BICD1: variants seen among roughly 807,000 people sequenced by gnomAD.
BICD1 encodes BICD cargo adaptor 1.
Under a neutral mutation model 92.5 loss-of-function variants are expected in BICD1, and 35 were observed. The ratio of observed to expected loss-of-function variants is 0.38; its 90% CI spans 0.29 to 0.50. The LOEUF (loss-of-function observed/expected upper bound fraction) is 0.50. BICD1 is among the 20% of genes least tolerant of loss of function. BICD1 has a pLI of 0.93. For synonymous variants in BICD1, 429 were observed against 465.1 expected (o/e 0.92, Z 1.00); for missense variants, 950 against 1,189.8 (o/e 0.80, Z 2.97).
rs188967398 is a variant in BICD1, at chr12:32,168,707, C to G, written c.214-47540C>G. Among the ~76,000 whole-genome samples, 15 of 152,278 alleles carry G rather than the reference C, an allele frequency of 9.9e-5. No homozygotes were observed. In the East Asian group the frequency reaches 2.7e-3, roughly 27 times the overall value. Reference sequence around the variant, plus strand: ...CTTGAGGGCCAGGCACGGTGGCTCACTCCTGTAATCCCAGCACTCTGGGAG... The same window carrying G: ...CTTGAGGGCCAGGCACGGTGGCTCAGTCCTGTAATCCCAGCACTCTGGGAG... On this transcript the variant is annotated intron_variant, in intron 1 of 9. Transcript: ENST00000652176.
intron 1 of BICD1, among the ~76,000 whole-genome samples, chr12:32,182,890 CTT>C (rs34809684): frequency 1.6e-5 from 1 of 63,858 alleles, no homozygotes; most frequent in Non-Finnish European, 3.0e-5. Flanking sequence ...TTCTTTCTTT[CTT>C]TTTTTTTTTT....
intron 5 of BICD1, among the ~76,000 whole-genome samples, chr12:32,332,135 A>G (rs2136271912): frequency 6.6e-6 from 1 of 152,292 alleles, no homozygotes; most frequent in South Asian, 2.1e-4. Context: ...AAAACCAGAT[A>G]CCGCATGTTC....
At chr12:32,134,222 A>C (rs1296849792) in intron 1 of BICD1, among the ~76,000 whole-genome samples, 2 of 152,218 alleles carry the variant, frequency 1.3e-5, no homozygotes, top group South Asian at 4.1e-4. Flanking sequence ...GATGGAAATA[A>C]CAGCTCTCCC....
chr12:32,235,259 C>G (rs1259566942), intron 2 of BICD1, among the ~76,000 whole-genome samples: 2 of 152,142 alleles, frequency 1.3e-5, no homozygotes, highest in Non-Finnish European at 2.9e-5. Context: ...GGATAGTTAA[C>G]TCAGTAGTTA....
At chr12:32,153,587 T>C (rs1405600386) in intron 1 of BICD1, among the ~76,000 whole-genome samples, 2 of 152,062 alleles carry the variant, frequency 1.3e-5, no homozygotes, top group African/African-American at 4.8e-5. Flanking sequence ...CGAAAGTTCA[T>C]CTCTACAAAA....
chr12:32,205,616 A>G (rs987281986), intron 1 of BICD1, among the ~76,000 whole-genome samples: 2 of 148,530 alleles, frequency 1.3e-5, no homozygotes, highest in Admixed American at 1.4e-4. Flanking sequence ...TGAGGCTTGT[A>G]CTTTGTGCTT....
intron 2 of BICD1, among the ~76,000 whole-genome samples, chr12:32,280,742 G>A (rs182807403): frequency 1.7e-4 from 26 of 152,140 alleles, no homozygotes; most frequent in Non-Finnish European, 3.1e-4. Context: ...TTACTCACTC[G>A]TTGCTAATCA....
chr12:32,351,831 C>T (rs1035124427), intron 8 of BICD1, among the ~76,000 whole-genome samples: 3 of 147,664 alleles, frequency 2.0e-5, no homozygotes, highest in Admixed American at 6.8e-5. Context: ...TGAACCAGGA[C>T]GCGGGAGGCA....
rs1486252831 is a variant in BICD1 at position 32,337,512 on chromosome 12, G to C, written c.2266G>C (p.Val756Leu). ...AMFATRCDEY[V>L]TQLDEMQRQL... ...TTTTGGTTCCAGATGTGATGAATATGTCACCCAGTTGGATGAGATGCAGAG... is the reference window on the plus strand; with the variant it reads ...TTTTGGTTCCAGATGTGATGAATATCTCACCCAGTTGGATGAGATGCAGAG... Residue 756 changes from valine (V) to leucine (L), a missense_variant, in exon 7 of 10, where the codon GTC becomes CTC. This residue lies in a region of BICD1 where 309 missense variants were observed against 499.4 expected (regional missense o/e 0.62). Coordinates refer to ENST00000652176, the MANE Select transcript of BICD1 (RefSeq NM_001714.4). This position sits in a 1 kb window ranked among gnomAD's most constrained non-coding sequence, Gnocchi z 4.7. The C allele has an allele frequency of 6.2e-7, 1 of 1,609,466 alleles. No individual in the cohort carries two copies. The highest frequency in any genetic ancestry group is 1.3e-5 in the African/African-American group (1 of 74,846).
chr12:32,280,018 A>G (rs939137406), intron 2 of BICD1, among the ~76,000 whole-genome samples: 13 of 152,204 alleles, frequency 8.5e-5, no homozygotes, highest in African/African-American at 3.1e-4. Context: ...GAATCACTTG[A>G]ACCTGGGAGG....
chr12:32,327,661 G>A lies in BICD1; in HGVS notation c.1206G>A (p.Glu402=), dbSNP rs777895773. ...DGEKGRDSGE[E]AHDYEVDING... is the part of the protein sequence containing the mutation. ...AGAAGGGCCGGGACTCAGGGGAGGA[G>A]GCCCATGACTATGAGGTGGACATCA... Residue 402 remains glutamate, a synonymous_variant, in exon 5 of 10, where the codon GAG becomes GAA. Transcript: ENST00000652176. 1 of 1,614,096 alleles carries A rather than the reference G, an allele frequency of 6.2e-7. No homozygotes were observed. The highest frequency in any genetic ancestry group is 2.2e-5 in the East Asian group (1 of 44,874).
intron 1 of BICD1, among the ~76,000 whole-genome samples, chr12:32,189,723 G>T (rs1317752236): frequency 6.7e-6 from 1 of 148,246 alleles, no homozygotes; most frequent in African/African-American, 2.5e-5. Flanking sequence ...TTTTGAGACA[G>T]GGTCTTGCTC....
intron 2 of BICD1, among the ~76,000 whole-genome samples, chr12:32,243,458 T>C (rs1435291462): frequency 6.6e-6 from 1 of 151,916 alleles, no homozygotes; most frequent in South Asian, 2.1e-4. Context: ...TAATTAAAAT[T>C]TATTGATCCA....
intron 8 of BICD1, among the ~76,000 whole-genome samples, chr12:32,362,678 A>C (rs1426214540): frequency 6.6e-6 from 1 of 152,156 alleles, no homozygotes; most frequent in African/African-American, 2.4e-5. Flanking sequence ...CAGAGGAGTG[A>C]ATAGAAAAGA....
rs1199941408 is a variant in BICD1, at chr12:32,381,426, TG to T, written c.*3801del. On this transcript the variant is annotated 3_prime_UTR_variant, in exon 10 of 10. Coordinates refer to ENST00000652176, the MANE Select transcript of BICD1 (RefSeq NM_001714.4). Reference sequence around the variant, plus strand: ...TACAACATTTGCTTTTTTCGTGCTTTGGAAAATATCCTTGTGCAGATAAGTT... The same window carrying T: ...TACAACATTTGCTTTTTTCGTGCTTTGAAAATATCCTTGTGCAGATAAGTT... 15 of 152,250 alleles carry T rather than the reference TG, an allele frequency of 9.9e-5. No individual in the cohort carries two copies. In the East Asian group the frequency reaches 2.9e-3, roughly 29 times the overall value. The allele number at this position is 152,250 out of a possible 1,614,324, so 9.4% of individuals were successfully genotyped here. A position where few individuals can be genotyped will look rare whatever the true frequency, so the allele number is the denominator to read the frequency against.
At chr12:32,293,463 G>A (rs974989706) in intron 2 of BICD1, among the ~76,000 whole-genome samples, 26 of 146,892 alleles carry the variant, frequency 1.8e-4, no homozygotes, top group Admixed American at 3.5e-4. Flanking sequence ...GATTACAGGC[G>A]CCCACCACCA....
chr12:32,264,491 T>C (rs755120822), intron 2 of BICD1, among the ~76,000 whole-genome samples: 10 of 152,172 alleles, frequency 6.6e-5, no homozygotes, highest in Non-Finnish European at 1.5e-4. Context: ...AGAAATTAAA[T>C]AGAATTTTTT....
At chr12:32,318,054 C>G (rs1225762624) in intron 4 of BICD1, among the ~76,000 whole-genome samples, 2 of 151,946 alleles carry the variant, frequency 1.3e-5, no homozygotes, top group Non-Finnish European at 2.9e-5. Flanking sequence ...GGGCTCTGTT[C>G]TGTTCCATTG....
At chr12:32,309,288 T>G (rs1234283525) in intron 4 of BICD1, among the ~76,000 whole-genome samples, 1 of 152,172 alleles carries the variant, frequency 6.6e-6, no homozygotes, top group East Asian at 1.9e-4. Flanking sequence ...CATATATGTG[T>G]CAGTACCATT....
Sources: allele counts gnomAD v4.1 joint callset (sites outside exome capture counted in the v4.1 genomes callset), GRCh38; gene constraint gnomAD v4.1.1; regional missense constraint gnomAD v4.1.1; non-coding constraint Gnocchi (gnomAD v3.1); transcripts MANE v1.5; gene names NCBI Gene and HGNC (gene_info 2026-07-23, HGNC 2026-07-21).